The following PDE8A variants were observed in gnomAD, a reference collection of about 807,000 sequenced individuals.
PDE8A encodes the protein phosphodiesterase 8A, also known as high affinity cAMP-specific and IBMX-insensitive 3',5'-cyclic phosphodiesterase 8A.
In PDE8A, 59 loss-of-function variants were observed where a neutral mutation model predicts 105.0. That is an observed-to-expected ratio of 0.56 (90% confidence interval 0.46 to 0.70). The LOEUF (loss-of-function observed/expected upper bound fraction) is 0.70, where lower values mean the gene tolerates loss of function less well. Ranked by LOEUF, PDE8A falls within the 30% of genes least tolerant of loss-of-function variation. The pLI, the probability that PDE8A is intolerant of heterozygous loss-of-function variation, is 0.00. For missense variants in PDE8A, 1,014 were observed against 1,045.9 expected (o/e 0.97, Z 0.42); for synonymous variants, 355 against 371.9 (o/e 0.95, Z 0.52).
intron 3 of PDE8A, among the ~76,000 whole-genome samples, chr15:85,074,247 G>A (rs2141477579): frequency 6.6e-6 from 1 of 152,332 alleles, no homozygotes; most frequent in East Asian, 1.9e-4. Flanking sequence ...GCAAGAATGG[G>A]CAAAGGAGAA....
In PDE8A at chr15:85,018,074, A is replaced by G. The variant is rs117653900; in HGVS notation, c.186+35726A>G. 5.6e-3 allele frequency among the ~76,000 whole-genome samples: 858 copies of G among 152,290 alleles called. 8 individuals carry two copies. The highest frequency in any genetic ancestry group is 8.2e-3 in the Non-Finnish European group (555 of 68,026). On this transcript the variant is annotated intron_variant, in intron 1 of 21. Transcript: ENST00000394553. ...GTTTGATGAGCGTTTCAAAACAACC[A>G]CTTTGGCTATCAAGTGAAAAGTAGA...
chr15:85,052,984 C>T (rs923911787), intron 1 of PDE8A, among the ~76,000 whole-genome samples: 2 of 151,962 alleles, frequency 1.3e-5, no homozygotes, highest in African/African-American at 2.4e-5. Flanking sequence ...TTTAATCCAT[C>T]TTGAATTTTT....
chr15:85,117,711 T>A lies in PDE8A; in HGVS notation c.1606T>A (p.Ser536Thr), dbSNP rs771808654. 1.9e-6 allele frequency: 3 copies of A among 1,613,922 alleles called. No individual in the cohort carries two copies. The highest frequency in any genetic ancestry group is 3.3e-5 in the Admixed American group (2 of 60,012). ...CTGTGAATTCTTACACTGCTCCGAGTCAACGCTAAGATCATGGTTACAAAT... is the reference window on the plus strand; with the variant it reads ...CTGTGAATTCTTACACTGCTCCGAGACAACGCTAAGATCATGGTTACAAAT... ...GICEFLHCSE[S>T]TLRSWLQIIE... Residue 536 changes from serine (S) to threonine (T), a missense_variant, in exon 17 of 22, where the codon TCA becomes ACA. Ser to Thr is a moderately conservative substitution (Grantham distance 58). Transcript: ENST00000394553.
intron 19 of PDE8A, among the ~76,000 whole-genome samples, chr15:85,125,056 C>T (rs977745597): frequency 4.6e-5 from 7 of 152,254 alleles, no homozygotes; most frequent in East Asian, 3.9e-4. Flanking sequence ...CAGGTATTAA[C>T]GGATCTGAAG....
At chr15:85,064,323 T>C (rs751148745) in intron 1 of PDE8A, 47 bp from the exon 2 acceptor site, 50 of 1,430,712 alleles carry the variant, frequency 3.5e-5, no homozygotes, top group Non-Finnish European at 4.7e-5. Flanking sequence ...GTTAAGCTTC[T>C]CTTTCTCCGT....
chr15:84,993,191 C>G (rs1239535786), intron 1 of PDE8A, among the ~76,000 whole-genome samples: 1 of 151,762 alleles, frequency 6.6e-6, no homozygotes, highest in African/African-American at 2.4e-5. Context: ...TGCCTGTAAT[C>G]CCAGCACTTT....
At chr15:85,059,587 C>T (rs976018433) in intron 1 of PDE8A, among the ~76,000 whole-genome samples, 8 of 152,166 alleles carry the variant, frequency 5.3e-5, no homozygotes, top group African/African-American at 1.9e-4. Flanking sequence ...TCCTTTGTCT[C>T]TTATAGCCTT....
At position 85,095,874 on chromosome 15, in the gene PDE8A, A is replaced by ATT. The variant is rs202150429; in HGVS notation, c.853-2067_853-2066dup. On this transcript the variant is annotated intron_variant, in intron 8 of 21. Transcript: ENST00000394553. ...GAAGATCCTGAATATATATATATATATTTTTTTTATATATATATTTTTTGT... is the reference window on the plus strand; with the variant it reads ...GAAGATCCTGAATATATATATATATATTTTTTTTTTATATATATATTTTTTGT... Among the ~76,000 whole-genome samples the ATT allele has an allele frequency of 9.6e-3, 955 of 99,592 alleles. 4 individuals are homozygous for ATT. Among genetic ancestry groups the ATT allele is most frequent in the Middle Eastern group, 0.014 (3 of 208 alleles). 65.3% of individuals were successfully genotyped at this position (99,592 alleles called of 152,430 possible).
At position 85,116,853 on chromosome 15, in the gene PDE8A, A is replaced by G. The variant is rs559601957; in HGVS notation, c.1535+734A>G. On this transcript the variant is annotated intron_variant, in intron 16 of 21. Transcript: ENST00000394553. ...ACCTTCTGATACGTTCTACTTCCCT[A>G]TCTCCCAGCACAGCCAAGGAGAGTT... 1.4e-4 allele frequency among the ~76,000 whole-genome samples: 22 copies of G among 152,254 alleles called. 1 individual carries two copies. The South Asian group carries it at 4.4e-3, about 30-fold the overall frequency.
rs746208036 is a variant in PDE8A, at chr15:85,115,406, T to C, written c.1351-33T>C. ...CCAGGAAGGAAAGAATAGTTGTGAC[T>C]TTTCTTTTTCTTGTTTCCTTGATTT... On this transcript the variant is annotated intron_variant, in intron 14 of 21. Coordinates refer to ENST00000394553, the MANE Select transcript of PDE8A (RefSeq NM_002605.3). The C allele has an allele frequency of 2.7e-6, 4 of 1,457,048 alleles. No homozygotes were observed. The African/African-American group carries it at 4.3e-5, about 16-fold the overall frequency. 90.3% of individuals were successfully genotyped at this position (1,457,048 alleles called of 1,614,324 possible).
chr15:85,011,445 T>C (rs533986717), intron 1 of PDE8A, among the ~76,000 whole-genome samples: 5 of 152,320 alleles, frequency 3.3e-5, no homozygotes, highest in Admixed American at 1.3e-4. Flanking sequence ...CTTTTTCTTA[T>C]TTGTAAAGTG....
chr15:84,983,980 C>T (rs2079762704), intron 1 of PDE8A, among the ~76,000 whole-genome samples: 1 of 152,194 alleles, frequency 6.6e-6, no homozygotes, highest in Non-Finnish European at 1.5e-5. Context: ...ATTGGCAGAC[C>T]ATTGTCTTGT....
intron 1 of PDE8A, among the ~76,000 whole-genome samples, chr15:85,024,024 A>AAAG (rs2080471549): frequency 1.3e-5 from 2 of 151,682 alleles, no homozygotes; most frequent in African/African-American, 4.8e-5. Flanking sequence ...TTTCCAAAAA[A>AAAG]AAGTTGGTCA....
chr15:85,085,145 G>C (rs1170965001), intron 6 of PDE8A, among the ~76,000 whole-genome samples: 1 of 152,176 alleles, frequency 6.6e-6, no homozygotes, highest in Non-Finnish European at 1.5e-5. Flanking sequence ...CCAAAATGTA[G>C]CCTACAAGGG....
intron 20 of PDE8A, among the ~76,000 whole-genome samples, chr15:85,130,285 T>G (rs1439069059): frequency 6.6e-6 from 1 of 152,158 alleles, no homozygotes; most frequent in East Asian, 1.9e-4. Context: ...CCTCCAGCAC[T>G]GGGGATTATT....
At chr15:85,064,269 A>G in intron 1 of PDE8A, 101 bp from the exon 2 acceptor site, 1 of 746,002 alleles carries the variant, frequency 1.3e-6, no homozygotes, top group Middle Eastern at 2.4e-4. Context: ...CCTCTAGAAT[A>G]GAAATTTTGC....
chr15:85,019,382 T>G (rs1375715451), intron 1 of PDE8A, among the ~76,000 whole-genome samples: 2 of 152,132 alleles, frequency 1.3e-5, no homozygotes, highest in Non-Finnish European at 2.9e-5. Context: ...AAAAAATTTT[T>G]GATTTGAGTG....
In PDE8A at chr15:84,982,018, C is replaced by T. The variant is rs899783173; in HGVS notation, c.-145C>T. ...CGCACCGCGATAAAAGGGGCGGCCGCGTTTCCTGACGCGAGATCCGCGCTC... is the reference window on the plus strand; with the variant it reads ...CGCACCGCGATAAAAGGGGCGGCCGTGTTTCCTGACGCGAGATCCGCGCTC... On this transcript the variant is annotated 5_prime_UTR_variant, in exon 1 of 22. Coordinates refer to ENST00000394553, the MANE Select transcript of PDE8A (RefSeq NM_002605.3). 6.0e-5 allele frequency: 22 copies of T among 367,598 alleles called. No homozygotes were observed. Among genetic ancestry groups the T allele is most frequent in the Non-Finnish European group, 1.0e-4 (22 of 221,080 alleles). 22.8% of individuals were successfully genotyped at this position (367,598 alleles called of 1,614,324 possible).
chr15:85,058,294 C>A (rs12908535), intron 1 of PDE8A, among the ~76,000 whole-genome samples: 2 of 151,900 alleles, frequency 1.3e-5, no homozygotes, highest in Non-Finnish European at 1.5e-5. Flanking sequence ...GTTATTTTGC[C>A]TAGGCTTGTC....
Sources: gnomAD v4.1 joint callset for allele counts (sites outside exome capture counted in the v4.1 genomes callset) on GRCh38, gnomAD v4.1.1 for gene constraint, MANE v1.5 for transcripts, NCBI Gene and HGNC (gene_info 2026-07-23, HGNC 2026-07-21) for gene names.